P3H2: variants seen among roughly 807,000 people sequenced by gnomAD.
The protein encoded by P3H2 is leprecan-like 1.
P3H2 carries 80 observed loss-of-function variants against 87.0 expected under a neutral mutation model. That is an observed-to-expected ratio of 0.92 (90% CI 0.77 to 1.11). The LOEUF (loss-of-function observed/expected upper bound fraction) is 1.11. Among genes scored for constraint, P3H2 ranks in the 50% least tolerant of loss-of-function variants. P3H2 has a pLI of 0.00. For synonymous variants in P3H2, 367 were observed against 359.3 expected (o/e 1.02, Z -0.24); for missense variants, 1,001 against 923.9 (o/e 1.08, Z -1.08).
At chr3:190,103,290 T>C (rs1711702386) in intron 1 of P3H2, among the ~76,000 whole-genome samples, 1 of 152,220 alleles carries the variant, frequency 6.6e-6, no homozygotes, top group African/African-American at 2.4e-5. Context: ...AAGACTCAAA[T>C]AGTACTATCA....
At chr3:190,121,265 A>G (rs1712577058), upstream of P3H2, among the ~76,000 whole-genome samples, 1 of 152,020 alleles carries the variant, frequency 6.6e-6, no homozygotes, top group Non-Finnish European at 1.5e-5. Context: ...TTCAGACTGA[A>G]TCAAACCGTA....
intron 1 of P3H2, among the ~76,000 whole-genome samples, chr3:190,041,095 A>C (rs78550419): frequency 0.25 from 14,506 of 59,192 alleles, 2,912 homozygotes; most frequent in East Asian, 0.57. Context: ...CTCTCTCTAT[A>C]TATATATATA....
chr3:190,009,181 A>G (rs1204275220), intron 1 of P3H2, among the ~76,000 whole-genome samples: 2 of 152,128 alleles, frequency 1.3e-5, no homozygotes, highest in African/African-American at 4.8e-5. Context: ...GGTTTGAAAG[A>G]GCAAAGAATA....
chr3:189,988,645 A>G (rs981023087), intron 4 of P3H2, among the ~76,000 whole-genome samples: 2 of 152,198 alleles, frequency 1.3e-5, no homozygotes, highest in African/African-American at 4.8e-5. Flanking sequence ...GTTCTAAAAA[A>G]ATTAAGTCTA....
At chr3:189,979,786 AC>A (rs1723470606) in intron 8 of P3H2, among the ~76,000 whole-genome samples, 1 of 151,330 alleles carries the variant, frequency 6.6e-6, no homozygotes, top group African/African-American at 2.4e-5. Context: ...AGATGGTGAA[AC>A]CCCGTCTCTA....
chr3:189,958,043 T>A (rs1356994293), intron 14 of P3H2, 39 bp from the exon 15 acceptor site: 1 of 1,455,902 alleles, frequency 6.9e-7, no homozygotes, highest in Non-Finnish European at 9.7e-7. Flanking sequence ...GTTACAAGCA[T>A]AATAATCAGT....
chr3:190,083,053 A>G (rs1227236008), intron 1 of P3H2, among the ~76,000 whole-genome samples: 1 of 152,242 alleles, frequency 6.6e-6, no homozygotes, highest in Non-Finnish European at 1.5e-5. Flanking sequence ...GCATTTACCT[A>G]AGGTCATCAA....
At chr3:190,021,896 AGT>A (rs1724935778) in intron 1 of P3H2, among the ~76,000 whole-genome samples, 2 of 135,346 alleles carry the variant, frequency 1.5e-5, no homozygotes, top group South Asian at 5.2e-4. Flanking sequence ...ATTATATGAT[AGT>A]GTGTTTCTCT....
At chr3:189,974,165 G>T in intron 9 of P3H2, 161 bp from the exon 10 acceptor site, 1 of 648,572 alleles carries the variant, frequency 1.5e-6, no homozygotes, top group South Asian at 1.8e-5. Flanking sequence ...AATTAAAAGA[G>T]ATATCTTTAT....
chr3:190,085,031 A>G (rs1263398639), intron 1 of P3H2, among the ~76,000 whole-genome samples: 1 of 152,132 alleles, frequency 6.6e-6, no homozygotes, highest in Admixed American at 6.6e-5. Flanking sequence ...CAAATACAGA[A>G]TTACAGGGGA....
At chr3:190,104,862 A>G (rs1010112063) in intron 1 of P3H2, among the ~76,000 whole-genome samples, 2 of 152,188 alleles carry the variant, frequency 1.3e-5, no homozygotes, top group African/African-American at 4.8e-5. Context: ...TATTCCATGC[A>G]TGTGTGTTCT....
chr3:190,096,262 T>C (rs1350327356), intron 1 of P3H2, among the ~76,000 whole-genome samples: 1 of 152,238 alleles, frequency 6.6e-6, no homozygotes, highest in Non-Finnish European at 1.5e-5. Context: ...AAATCTCATG[T>C]TGAACTGGAG....
intron 1 of P3H2, among the ~76,000 whole-genome samples, chr3:190,067,315 A>G: frequency 6.6e-6 from 1 of 152,132 alleles, no homozygotes; most frequent in Non-Finnish European, 1.5e-5. Context: ...AAGAAGTGGG[A>G]GGAATATGAA....
chr3:190,027,509 G>T (rs2108944841), intron 1 of P3H2, among the ~76,000 whole-genome samples: 1 of 152,188 alleles, frequency 6.6e-6, no homozygotes, highest in African/African-American at 2.4e-5. Flanking sequence ...TCAGGTTATA[G>T]AGAAAGAGGT....
At position 189,960,672 on chromosome 3, in the gene P3H2, T is replaced by TGAC. The variant is rs1382046910; in HGVS notation, c.2035-2671_2035-2669dup. 2.0e-5 allele frequency among the ~76,000 whole-genome samples: 3 copies of TGAC among 152,346 alleles called. No homozygotes were observed. In the East Asian group the frequency reaches 5.8e-4, roughly 29 times the overall value. The stretch of plus-strand genomic sequence containing the variant: ...GGGTCCTTGTATTATTTCTCCAATT[T>TGAC]GACTTCAAGCTCCTTGAAAATAGGA... On this transcript the variant is annotated intron_variant, in intron 14 of 14. Transcript: ENST00000319332.
intron 1 of P3H2, among the ~76,000 whole-genome samples, chr3:190,000,853 G>A (rs537508246): frequency 2.0e-5 from 3 of 152,296 alleles, no homozygotes; most frequent in South Asian, 2.1e-4. Flanking sequence ...AAATGTTAAG[G>A]AGGGATATAA....
chr3:189,976,093 T>C (rs906240685), intron 8 of P3H2, among the ~76,000 whole-genome samples: 1 of 144,158 alleles, frequency 6.9e-6, no homozygotes, highest in Non-Finnish European at 1.5e-5. Context: ...AATAAAAAGC[T>C]ACCTTCCACA....
intron 8 of P3H2, among the ~76,000 whole-genome samples, chr3:189,975,280 T>C (rs555434765): frequency 6.6e-6 from 1 of 152,052 alleles, no homozygotes; most frequent in Non-Finnish European, 1.5e-5. Context: ...CACAGGAGGG[T>C]TTCCCTTAGG....
intron 1 of P3H2, among the ~76,000 whole-genome samples, chr3:190,044,831 G>A (rs6444413): frequency 0.42 from 63,265 of 151,786 alleles, 15,070 homozygotes; most frequent in African/African-American, 0.67. Flanking sequence ...GCGGAGGGAA[G>A]AAAAAGGGTC....
Sources: gnomAD v4.1 joint callset for allele counts (sites outside exome capture counted in the v4.1 genomes callset) on GRCh38, gnomAD v4.1.1 for gene constraint, MANE v1.5 for transcripts, NCBI Gene and HGNC (gene_info 2026-07-23, HGNC 2026-07-21) for gene names.